Variants in PCDH7 observed in about 807,000 individuals in gnomAD.
PCDH7 encodes protocadherin 7, also known as protocadherin-7.
In PCDH7, 17 loss-of-function variants were observed where a neutral mutation model predicts 58.9. That is an observed-to-expected ratio of 0.29 (90% CI 0.20 to 0.43). The LOEUF is 0.43. Ranked by LOEUF, PCDH7 falls within the 20% of genes least tolerant of loss-of-function variation. The pLI, the probability that PCDH7 is intolerant of heterozygous loss-of-function variation, is 1.00. For missense variants in PCDH7, 1,274 were observed against 1,441.0 expected (o/e 0.88, Z 1.88); for synonymous variants, 664 against 616.4 (o/e 1.08, Z -1.14).
At chr4:30,899,190 A>G (rs924872958) in intron 1 of PCDH7, among the ~76,000 whole-genome samples, 1 of 152,122 alleles carries the variant, frequency 6.6e-6, no homozygotes, top group African/African-American at 2.4e-5. Flanking sequence ...TACGCTACAG[A>G]TTTTGAGAAT....
At chr4:31,096,395 C>T (rs1210862739) in intron 3 of PCDH7, among the ~76,000 whole-genome samples, 1 of 151,996 alleles carries the variant, frequency 6.6e-6, no homozygotes, top group Non-Finnish European at 1.5e-5. Flanking sequence ...AATTAGGAAG[C>T]AATTGAGGGA....
At chr4:30,953,771 G>C (rs1747582393) in intron 3 of PCDH7, among the ~76,000 whole-genome samples, 1 of 152,014 alleles carries the variant, frequency 6.6e-6, no homozygotes, top group South Asian at 2.1e-4. Flanking sequence ...GTTTGTGTTG[G>C]TTGCCTGAGG....
intron 3 of PCDH7, among the ~76,000 whole-genome samples, chr4:31,124,713 A>C (rs1189149231): frequency 6.6e-6 from 1 of 152,216 alleles, no homozygotes; most frequent in Non-Finnish European, 1.5e-5. Flanking sequence ...AAGTTGGTGA[A>C]GCACAGCTGA....
chr4:30,953,273 TTC>T (rs1303180662), intron 3 of PCDH7, among the ~76,000 whole-genome samples: 1 of 152,170 alleles, frequency 6.6e-6, no homozygotes, highest in East Asian at 1.9e-4. Context: ...ACAAAATAAT[TTC>T]TATTTTTTTT....
At chr4:30,968,340 C>CTA (rs200973688) in intron 3 of PCDH7, among the ~76,000 whole-genome samples, 30 of 83,470 alleles carry the variant, frequency 3.6e-4, no homozygotes, top group African/African-American at 9.6e-4. Flanking sequence ...TATACACACA[C>CTA]TATATATATA....
intron 2 of PCDH7, among the ~76,000 whole-genome samples, chr4:30,931,466 G>A (rs375501043): frequency 3.9e-5 from 6 of 152,056 alleles, no homozygotes; most frequent in South Asian, 4.1e-4. Context: ...TCCCAGCTAC[G>A]CGGGAGGCTG....
At chr4:30,758,055 G>C (rs1719542711) in intron 1 of PCDH7, among the ~76,000 whole-genome samples, 1 of 152,112 alleles carries the variant, frequency 6.6e-6, no homozygotes. Flanking sequence ...ACACTTAGAT[G>C]GTGGCAAATG....
chr4:31,124,420 T>C (rs1460559572), intron 3 of PCDH7, among the ~76,000 whole-genome samples: 2 of 152,204 alleles, frequency 1.3e-5, no homozygotes, highest in African/African-American at 4.8e-5. Context: ...TACCTGAGTG[T>C]TAACCACCCC....
intron 1 of PCDH7, among the ~76,000 whole-genome samples, chr4:30,905,593 C>T (rs1740815287): frequency 1.3e-5 from 2 of 152,330 alleles, no homozygotes; most frequent in South Asian, 4.1e-4. Context: ...GATTTTTCAG[C>T]ACAGTGGTAG....
Position 30,875,222 on chromosome 4 carries a change from G to A in PCDH7, c.71-44931G>A, listed in dbSNP as rs183161866. On this transcript the variant is annotated intron_variant, in intron 1 of 3. Transcript: ENST00000509759. ...TCTCTTCTTGGTTTGTTTGGCCATC[G>A]TCGTGTTCACATCTTGTTCTCCCTT... is the stretch of plus-strand genomic sequence containing the variant. 8.5e-5 allele frequency among the ~76,000 whole-genome samples: 13 copies of A among 152,118 alleles called. No homozygotes were observed. In the East Asian group the frequency reaches 1.2e-3, roughly 14 times the overall value.
At chr4:30,806,009 A>G (rs1299724645) in intron 1 of PCDH7, among the ~76,000 whole-genome samples, 1 of 152,218 alleles carries the variant, frequency 6.6e-6, no homozygotes, top group African/African-American at 2.4e-5. Context: ...AGCATCCAAA[A>G]TTTGAAATCC....
chr4:30,784,455 T>G (rs1366799694), intron 1 of PCDH7, among the ~76,000 whole-genome samples: 1 of 152,186 alleles, frequency 6.6e-6, no homozygotes. Flanking sequence ...AGAGTTTCTG[T>G]TCCTCGATAA....
At chr4:30,904,928 T>A (rs1038215815) in intron 1 of PCDH7, among the ~76,000 whole-genome samples, 2 of 152,176 alleles carry the variant, frequency 1.3e-5, no homozygotes, top group Admixed American at 1.3e-4. Flanking sequence ...TTTTAATTCA[T>A]CTTGACCAGG....
intron 1 of PCDH7, among the ~76,000 whole-genome samples, chr4:30,797,429 C>T (rs934279845): frequency 4.6e-5 from 7 of 151,968 alleles, no homozygotes; most frequent in Admixed American, 3.3e-4. Flanking sequence ...CCCGCCACCA[C>T]GCCCGGCTAA....
chr4:31,045,334 G>C (rs890465261), intron 3 of PCDH7, among the ~76,000 whole-genome samples: 1 of 151,804 alleles, frequency 6.6e-6, no homozygotes, highest in African/African-American at 2.4e-5. Flanking sequence ...TTTGATATCA[G>C]GTTTCAGGAA....
chr4:31,046,964 AGAAT>A (rs1756343675), intron 3 of PCDH7, among the ~76,000 whole-genome samples: 1 of 152,080 alleles, frequency 6.6e-6, no homozygotes. Context: ...GGGATAAATG[AGAAT>A]GAAAGGACAC....
At chr4:30,894,970 T>C (rs1016436764) in intron 1 of PCDH7, among the ~76,000 whole-genome samples, 2 of 152,002 alleles carry the variant, frequency 1.3e-5, no homozygotes, top group African/African-American at 4.8e-5. Flanking sequence ...AAATCAATTA[T>C]ACTTATTATT....
intron 3 of PCDH7, among the ~76,000 whole-genome samples, chr4:31,069,654 T>A (rs2109250644): frequency 6.6e-6 from 1 of 152,118 alleles, no homozygotes; most frequent in Middle Eastern, 3.4e-3. Context: ...TTGATGGAAT[T>A]ATACCAAATT....
chr4:31,144,732 C>T (rs1423004700), downstream of PCDH7: 1 of 152,076 alleles, frequency 6.6e-6, no homozygotes, highest in Non-Finnish European at 1.5e-5. Context: ...TTTCCTTATG[C>T]TCTTTCTTAA....
Sources: allele counts gnomAD v4.1 joint callset (sites outside exome capture counted in the v4.1 genomes callset), GRCh38; gene constraint gnomAD v4.1.1; transcripts MANE v1.5; gene names NCBI Gene and HGNC (gene_info 2026-07-23, HGNC 2026-07-21).